C4orf51: variants seen among roughly 807,000 people sequenced by gnomAD.
C4orf51 encodes chromosome 4 open reading frame 51, also known as uncharacterized protein C4orf51.
Under a neutral mutation model 25.2 loss-of-function variants are expected in C4orf51, and 25 were observed. The ratio of observed to expected loss-of-function variants is 0.99; its 90% confidence interval spans 0.72 to 1.39. The LOEUF (loss-of-function observed/expected upper bound fraction) is 1.39. Among genes scored for constraint, C4orf51 ranks in the 40% most tolerant of loss-of-function variants. The pLI is 0.00. For missense variants in C4orf51, 252 were observed against 239.6 expected, an observed-to-expected ratio of 1.05 and a Z score of -0.34; for synonymous variants, 100 against 84.5, an observed-to-expected ratio of 1.18 and a Z score of -1.01.
chr4:145,699,104 C>G lies in C4orf51; in HGVS notation c.307+2472C>G, dbSNP rs192689006. ...CTCCTGCCCGCCAGAGAACAAACCC[C>G]CTTTGACTGTAATTTTCCTTTACCC... On this transcript the variant is annotated intron_variant, in intron 2 of 5. Transcript: ENST00000438731. 3.0e-3 allele frequency among the ~76,000 whole-genome samples: 450 copies of G among 151,844 alleles called. 1 individual carries two copies. Among genetic ancestry groups the G allele is most frequent in the African/African-American group, 8.8e-3 (362 of 41,342 alleles).
At chr4:145,730,046 A>AT in intron 5 of C4orf51, 81 bp downstream of exon 5, 1 of 1,174,598 alleles carries the variant, frequency 8.5e-7, no homozygotes, top group Non-Finnish European at 1.3e-6. Flanking sequence ...TCTACATGGC[A>AT]GCAGGGGTGG....
chr4:145,716,107 A>T (rs937755587), intron 2 of C4orf51, among the ~76,000 whole-genome samples: 1 of 152,354 alleles, frequency 6.6e-6, no homozygotes, highest in Non-Finnish European at 1.5e-5. Context: ...ATTATCTATT[A>T]TCAAAATTGT....
chr4:145,698,375 A>AT (rs1730205932), intron 2 of C4orf51, among the ~76,000 whole-genome samples: 1 of 152,210 alleles, frequency 6.6e-6, no homozygotes, highest in East Asian at 1.9e-4. Flanking sequence ...TACATGTAAG[A>AT]TGTACATTGG....
At chr4:145,746,115 T>C (rs550648666) in intron 1 of C4orf51, among the ~76,000 whole-genome samples, 1 of 152,360 alleles carries the variant, frequency 6.6e-6, no homozygotes, top group Non-Finnish European at 1.5e-5. Context: ...ATATTCTGAT[T>C]ACTAATCCCT....
chr4:145,701,380 A>G (rs1730431739), intron 2 of C4orf51, among the ~76,000 whole-genome samples: 1 of 152,128 alleles, frequency 6.6e-6, no homozygotes, highest in Non-Finnish European at 1.5e-5. Context: ...TACAAGTGCC[A>G]GAAATCTGAC....
chr4:145,729,940 G>C lies in C4orf51; in HGVS notation c.476G>C (p.Arg159Pro). The change falls in exon 5 of 6, where the codon CGA (arginine) becomes CCA (proline). Residue 159 changes from arginine (R) to proline (P), a missense_variant. Arg to Pro is a moderately radical substitution (Grantham distance 103, BLOSUM62 -2). Coordinates refer to ENST00000438731, the MANE Select transcript of C4orf51 (RefSeq NM_001080531.3). ...PAQEALINYS[R>P]RGKGVLKHLH... ...CAGGAGGCCCTGATAAACTACAGTC[G>C]ACGAGGGAAAGGTGTCCTAAAGCAT... 6.2e-7 allele frequency: 1 copy of C among 1,613,900 alleles called. No individual in the cohort carries two copies. The highest frequency in any genetic ancestry group is 8.5e-7 in the Non-Finnish European group (1 of 1,179,834).
chr4:145,727,620 A>C (rs1732134896), intron 3 of C4orf51, among the ~76,000 whole-genome samples: 1 of 151,818 alleles, frequency 6.6e-6, no homozygotes, highest in African/African-American at 2.4e-5. Flanking sequence ...TCATGCCTGT[A>C]ATCCCAGCAC....
At chr4:145,748,040 C>G (rs1237591753) in intron 1 of C4orf51, among the ~76,000 whole-genome samples, 2 of 151,938 alleles carry the variant, frequency 1.3e-5, no homozygotes, top group Non-Finnish European at 2.9e-5. Flanking sequence ...CCACTTTGAT[C>G]TCGTTACATG....
At position 145,763,372 on chromosome 4, in the gene C4orf51, GAAACA is replaced by G. The variant is rs934606215; in HGVS notation, n.167-7598_167-7594del. On this transcript the variant is annotated intron_variant and non_coding_transcript_variant, in intron 1 of 1. Transcript: ENST00000510096. The surrounding 1 kb of genome is among the most constrained non-coding windows in gnomAD (Gnocchi z 4.6). ...AAATTAATTCTCTGATATGGCAAAG[GAAACA>G]AAACAAAACAAAACAAAGACTCACT... Among the ~76,000 whole-genome samples the G allele has an allele frequency of 2.6e-5, 4 of 152,148 alleles. No individual in the cohort carries two copies. The highest frequency in any genetic ancestry group is 4.4e-5 in the Non-Finnish European group (3 of 68,032).
At chr4:145,772,550 A>G (rs1736444820), downstream of C4orf51, among the ~76,000 whole-genome samples, 1 of 152,228 alleles carries the variant, frequency 6.6e-6, no homozygotes, top group South Asian at 2.1e-4. Context: ...GAACATGGCC[A>G]TGCCCACTCA....
At chr4:145,776,918 C>T in the C4orf51 span, among the ~76,000 whole-genome samples, 4 of 152,178 alleles carry the variant, frequency 2.6e-5, no homozygotes, top group Admixed American at 2.0e-4. Flanking sequence ...ATTCTGAATT[C>T]GTTTGATTAA....
rs1734561914 is a variant in C4orf51 at position 145,761,857 on chromosome 4, A to T, written n.167-9131A>T. ...CTGGGTCTCTTGGCCGATACAGGCAAGGCCAGCCCTCACCAAGGGGAGCAG... is the reference window on the plus strand; with the variant it reads ...CTGGGTCTCTTGGCCGATACAGGCATGGCCAGCCCTCACCAAGGGGAGCAG... On this transcript the variant is annotated intron_variant and non_coding_transcript_variant, in intron 1 of 1. Transcript: ENST00000510096. The surrounding 1 kb of genome is among the most constrained non-coding windows in gnomAD (Gnocchi z 6.8). 6.6e-6 allele frequency among the ~76,000 whole-genome samples: 1 copy of T among 152,176 alleles called. No homozygotes were observed.
At chr4:145,696,769 A>G in intron 2 of C4orf51, 137 bp downstream of exon 2, 1 of 647,966 alleles carries the variant, frequency 1.5e-6, no homozygotes, top group Non-Finnish European at 2.6e-6. Context: ...ACTGTGGCTC[A>G]CACCTGTACT....
At chr4:145,694,256 A>G (rs62343545) in intron 1 of C4orf51, among the ~76,000 whole-genome samples, 64,786 of 122,778 alleles carry the variant, frequency 0.53, 17,000 homozygotes, top group Admixed American at 0.62. Context: ...GATGGCGGCC[A>G]GGCGGAGACG....
At chr4:145,723,113 G>A (rs1027192055) in intron 2 of C4orf51, among the ~76,000 whole-genome samples, 1 of 151,978 alleles carries the variant, frequency 6.6e-6, no homozygotes, top group Non-Finnish European at 1.5e-5. Context: ...CCCTGCCCCT[G>A]CCCACCCACC....
chr4:145,717,411 C>G (rs1242655960), intron 2 of C4orf51, among the ~76,000 whole-genome samples: 3 of 152,206 alleles, frequency 2.0e-5, no homozygotes, highest in African/African-American at 7.2e-5. Context: ...GATGTTGCCT[C>G]TCTTCATTAA....
At position 145,701,033 on chromosome 4, in the gene C4orf51, A is replaced by G. The variant is rs549784390; in HGVS notation, c.307+4401A>G. The stretch of plus-strand genomic sequence containing the variant: ...GTTTAGGCTCTTTTTCATCAGATAT[A>G]AAAACCCAGCCCAGTTCATGGCTCG... On this transcript the variant is annotated intron_variant, in intron 2 of 5. Coordinates refer to ENST00000438731, the MANE Select transcript of C4orf51 (RefSeq NM_001080531.3). Among the ~76,000 whole-genome samples, 5 of 152,296 alleles carry G rather than the reference A, an allele frequency of 3.3e-5. No homozygotes were observed. The East Asian group carries it at 9.6e-4, about 29-fold the overall frequency.
the C4orf51 span, among the ~76,000 whole-genome samples, chr4:145,786,626 T>C: frequency 1.3e-5 from 2 of 152,188 alleles, no homozygotes; most frequent in Non-Finnish European, 2.9e-5. Context: ...GCAGAGGGCA[T>C]GGAACTTTCT....
chr4:145,696,758 C>G (rs1730089890), intron 2 of C4orf51, 126 bp downstream of exon 2: 1 of 675,880 alleles, frequency 1.5e-6, no homozygotes, highest in East Asian at 2.8e-5. Flanking sequence ...GTAGGCCGGG[C>G]ACTGTGGCTC....
Sources: allele counts gnomAD v4.1 joint callset (sites outside exome capture counted in the v4.1 genomes callset), GRCh38; gene constraint gnomAD v4.1.1; non-coding constraint Gnocchi (gnomAD v3.1); transcripts MANE v1.5; gene names NCBI Gene and HGNC (gene_info 2026-07-23, HGNC 2026-07-21).